Variants in DMRT1 observed in about 807,000 individuals in gnomAD.
DMRT1 encodes the protein doublesex- and mab-3-related transcription factor 1.
DMRT1 carries 7 observed loss-of-function variants against 32.3 expected under a neutral mutation model. That is an observed-to-expected ratio of 0.22 (90% CI 0.12 to 0.41). The LOEUF (loss-of-function observed/expected upper bound fraction) is 0.41. DMRT1 is among the 10% of genes least tolerant of loss of function. The pLI, the probability that DMRT1 is intolerant of heterozygous loss-of-function variation, is 1.00. For synonymous variants in DMRT1, 278 were observed against 206.1 expected (o/e 1.35, Z -2.99); for missense variants, 625 against 500.5 (o/e 1.25, Z -2.37).
At chr9:847,472 C>A (rs1017924994) in intron 2 of DMRT1, among the ~76,000 whole-genome samples, 2 of 152,152 alleles carry the variant, frequency 1.3e-5, no homozygotes, top group African/African-American at 4.8e-5. Context: ...AACTAAATAT[C>A]CTTGTTTCCT....
intron 2 of DMRT1, among the ~76,000 whole-genome samples, chr9:882,557 A>T (rs973240735): frequency 6.6e-6 from 1 of 151,996 alleles, no homozygotes; most frequent in African/African-American, 2.4e-5. Flanking sequence ...TTCTCAGCCA[A>T]CACTTTGGGA....
At chr9:900,612 A>C (rs1817535537) in intron 3 of DMRT1, among the ~76,000 whole-genome samples, 1 of 152,140 alleles carries the variant, frequency 6.6e-6, no homozygotes, top group African/African-American at 2.4e-5. Context: ...ATATGATTTT[A>C]AAATACTCTT....
At chr9:852,536 G>A (rs1301981323) in intron 2 of DMRT1, among the ~76,000 whole-genome samples, 1 of 151,792 alleles carries the variant, frequency 6.6e-6, no homozygotes, top group South Asian at 2.1e-4. Flanking sequence ...ATAGAATGCT[G>A]TTTGACACAG....
At chr9:850,467 G>C (rs543132933) in intron 2 of DMRT1, among the ~76,000 whole-genome samples, 1 of 152,270 alleles carries the variant, frequency 6.6e-6, no homozygotes, top group African/African-American at 2.4e-5. Flanking sequence ...TAATTTCATG[G>C]AGGTGAATGG....
chr9:857,563 CGAG>C (rs1292607480), intron 2 of DMRT1, among the ~76,000 whole-genome samples: 2 of 151,922 alleles, frequency 1.3e-5, no homozygotes, highest in Non-Finnish European at 2.9e-5. Context: ...TTCCTGAAAA[CGAG>C]GGAGCAAGAA....
At chr9:866,163 C>CAAA (rs71327351) in intron 2 of DMRT1, among the ~76,000 whole-genome samples, 6,166 of 52,504 alleles carry the variant, frequency 0.12, 1,179 homozygotes, top group South Asian at 0.2. Flanking sequence ...GAGTCCATCT[C>CAAA]AAAAAAAAAA....
chr9:843,139 C>G (rs1406622311), intron 1 of DMRT1, among the ~76,000 whole-genome samples: 1 of 152,170 alleles, frequency 6.6e-6, no homozygotes, highest in Non-Finnish European at 1.5e-5. Flanking sequence ...ACTCTCCCTC[C>G]TTGCTGAGTT....
At chr9:925,502 A>C (rs1045635996) in intron 4 of DMRT1, among the ~76,000 whole-genome samples, 2 of 152,188 alleles carry the variant, frequency 1.3e-5, no homozygotes, top group African/African-American at 4.8e-5. Context: ...CACACTTAAC[A>C]GAGAGGATGG....
chr9:901,028 T>G (rs1278922267), intron 3 of DMRT1, among the ~76,000 whole-genome samples: 1 of 150,512 alleles, frequency 6.6e-6, no homozygotes, highest in Non-Finnish European at 1.5e-5. Context: ...TTATTATTTT[T>G]TAATTGAGAA....
chr9:893,978 A>G lies in DMRT1; in HGVS notation c.605A>G (p.Asp202Gly), dbSNP rs1287957739. 2.5e-6 allele frequency: 4 copies of G among 1,614,048 alleles called. No homozygotes were observed. Among genetic ancestry groups the G allele is most frequent in the African/African-American group, 1.3e-5 (1 of 75,046 alleles). The change falls in exon 3 of 5, where the codon GAC becomes GGC. Residue 202 changes from aspartate (D) to glycine (G), a missense_variant. By Grantham distance (94) the Asp-to-Gly change is moderately conservative (BLOSUM62 -1). Transcript: ENST00000382276. Reference sequence around the variant, plus strand: ...AGAGGGCATGTGGAGAACACACCTGACCTGGTTTCAGACTCCACCTACTAC... The same window carrying G: ...AGAGGGCATGTGGAGAACACACCTGGCCTGGTTTCAGACTCCACCTACTAC... Reference protein sequence around the residue: ...TSRGHVENTPDLVSDSTYYSS... With the variant: ...TSRGHVENTPGLVSDSTYYSS...
intron 4 of DMRT1, among the ~76,000 whole-genome samples, chr9:961,293 G>GAC (rs1023421739): frequency 3.9e-4 from 59 of 152,142 alleles, no homozygotes; most frequent in African/African-American, 1.3e-3. Flanking sequence ...GCCTCGTTGT[G>GAC]ACAGGGCTCC....
intron 1 of DMRT1, among the ~76,000 whole-genome samples, chr9:846,732 G>T (rs1225502574): frequency 6.6e-6 from 1 of 152,138 alleles, no homozygotes; most frequent in Non-Finnish European, 1.5e-5. Context: ...AGGTATCTGC[G>T]ACCATGTCTG....
rs552586950 is a variant in DMRT1, at chr9:938,514, A to T, written c.967+21607A>T. Among the ~76,000 whole-genome samples the T allele has an allele frequency of 3.2e-3, 492 of 152,224 alleles. 4 individuals carry two copies. The highest frequency in any genetic ancestry group is 0.012 in the African/African-American group (478 of 41,542). On this transcript the variant is annotated intron_variant, in intron 4 of 4. Transcript: ENST00000382276. ...TCCCTGGTTAAATTTATTTCTGAATATTATTTTTGATGGTATTGTAAATAG... is the reference window on the plus strand; with the variant it reads ...TCCCTGGTTAAATTTATTTCTGAATTTTATTTTTGATGGTATTGTAAATAG...
chr9:866,950 G>T (rs572582742), intron 2 of DMRT1, among the ~76,000 whole-genome samples: 3 of 152,114 alleles, frequency 2.0e-5, no homozygotes, highest in African/African-American at 7.2e-5. Context: ...TTAGCTTTGG[G>T]TGTGCTATTT....
chr9:866,740 C>A (rs1816009685), intron 2 of DMRT1, among the ~76,000 whole-genome samples: 1 of 152,170 alleles, frequency 6.6e-6, no homozygotes, highest in Admixed American at 6.5e-5. Context: ...GAGACTGTCC[C>A]ATGGCTTCCC....
At chr9:901,857 C>G (rs1295949578) in intron 3 of DMRT1, among the ~76,000 whole-genome samples, 3 of 151,656 alleles carry the variant, frequency 2.0e-5, no homozygotes, top group African/African-American at 7.3e-5. Flanking sequence ...CACCCTCACT[C>G]CAAGGCTGCC....
intron 2 of DMRT1, among the ~76,000 whole-genome samples, chr9:885,150 T>G (rs1441146168): frequency 6.6e-6 from 1 of 152,136 alleles, no homozygotes; most frequent in African/African-American, 2.4e-5. Flanking sequence ...GCCGTGGGGC[T>G]CCGACCCCAT....
intron 2 of DMRT1, among the ~76,000 whole-genome samples, chr9:878,076 A>T (rs914099420): frequency 6.1e-4 from 93 of 152,252 alleles, no homozygotes; most frequent in African/African-American, 2.1e-3. Context: ...ATGGGCAATT[A>T]CAGATAATGG....
chr9:888,856 G>A (rs151330924), intron 2 of DMRT1, among the ~76,000 whole-genome samples: 60 of 152,094 alleles, frequency 3.9e-4, no homozygotes, highest in African/African-American at 1.4e-3. Context: ...GCTGGATGCA[G>A]TGGCTCACAC....
Sources: allele counts gnomAD v4.1 joint callset (sites outside exome capture counted in the v4.1 genomes callset), GRCh38; gene constraint gnomAD v4.1.1; transcripts MANE v1.5; gene names NCBI Gene and HGNC (gene_info 2026-07-23, HGNC 2026-07-21).